The following ARL15 variants were observed in gnomAD, a reference collection of about 807,000 sequenced individuals.
The protein encoded by ARL15 is ARF like GTPase 15.
Under a neutral mutation model 25.2 loss-of-function variants are expected in ARL15, and 19 were observed. That is an observed-to-expected ratio of 0.75 (90% CI 0.53 to 1.10). The LOEUF (loss-of-function observed/expected upper bound fraction) is 1.10, where lower values mean the gene tolerates loss of function less well. ARL15 is among the 50% of genes least tolerant of loss of function. The probability of loss-of-function intolerance (pLI) is 0.00; values close to 1 mark genes in which losing one functional copy is unlikely to be tolerated. For synonymous variants in ARL15, 94 were observed against 86.8 expected, an observed-to-expected ratio of 1.08 and a Z score of -0.46; for missense variants, 220 against 246.0, an observed-to-expected ratio of 0.89 and a Z score of 0.71.
At chr5:54,162,888 T>G (rs1190751214) in intron 2 of ARL15, among the ~76,000 whole-genome samples, 1 of 152,184 alleles carries the variant, frequency 6.6e-6, no homozygotes. Context: ...TGAAAGCATT[T>G]TATTTATTTT....
chr5:54,236,407 G>GACACACACAC (rs72439978), intron 1 of ARL15, among the ~76,000 whole-genome samples: 14 of 140,742 alleles, frequency 9.9e-5, no homozygotes, highest in African/African-American at 3.6e-4. Context: ...ACTAAACACA[G>GACACACACAC]ACACACACAC....
At chr5:54,082,965 T>C (rs1181651836) in intron 4 of ARL15, among the ~76,000 whole-genome samples, 1 of 152,148 alleles carries the variant, frequency 6.6e-6, no homozygotes, top group Non-Finnish European at 1.5e-5. Context: ...GTTGAAAATA[T>C]GGGAAAAATG....
At chr5:54,215,550 C>G (rs1029467622) in intron 1 of ARL15, among the ~76,000 whole-genome samples, 6 of 146,118 alleles carry the variant, frequency 4.1e-5, no homozygotes, top group African/African-American at 1.5e-4. Flanking sequence ...TCTGAGAACT[C>G]GAAGCAATTT....
chr5:54,101,851 A>C (rs1481046128), intron 4 of ARL15, among the ~76,000 whole-genome samples: 1 of 152,160 alleles, frequency 6.6e-6, no homozygotes, highest in East Asian at 1.9e-4. Context: ...CTTAAAGAAA[A>C]ACATCAAAGT....
intron 4 of ARL15, among the ~76,000 whole-genome samples, chr5:54,108,604 G>A (rs1321059165): frequency 6.6e-6 from 1 of 152,034 alleles, no homozygotes; most frequent in Non-Finnish European, 1.5e-5. Context: ...GTCACATGAA[G>A]TCAGAGAAGA....
At chr5:54,224,019 C>T (rs1050925576) in intron 1 of ARL15, among the ~76,000 whole-genome samples, 1 of 152,136 alleles carries the variant, frequency 6.6e-6, no homozygotes, top group Non-Finnish European at 1.5e-5. Context: ...CATCCACAAA[C>T]AGACATGCCA....
At chr5:54,306,422 G>C (rs571724315) in intron 1 of ARL15, among the ~76,000 whole-genome samples, 162 of 129,842 alleles carry the variant, frequency 1.2e-3, no homozygotes, top group African/African-American at 4.2e-3. Flanking sequence ...TTGAGACGGA[G>C]TCTCACTCTG....
intron 4 of ARL15, among the ~76,000 whole-genome samples, chr5:53,907,489 T>TATATATATATATATA (rs1554025337): frequency 2.4e-4 from 4 of 16,972 alleles, no homozygotes; most frequent in South Asian, 2.9e-3. Context: ...TATATATATA[T>TATATATATATATATA]TTTTTTTTTT....
chr5:53,985,740 G>A (rs1028772366), intron 4 of ARL15, among the ~76,000 whole-genome samples: 39 of 152,124 alleles, frequency 2.6e-4, no homozygotes, highest in African/African-American at 3.6e-4. Flanking sequence ...TTGCCTCTAC[G>A]TTTTAGCTAC....
At chr5:54,050,862 A>T (rs1184787692) in intron 4 of ARL15, among the ~76,000 whole-genome samples, 3 of 152,106 alleles carry the variant, frequency 2.0e-5, no homozygotes, top group Non-Finnish European at 4.4e-5. Flanking sequence ...TACTAATTTA[A>T]TCTTCTGCTT....
intron 4 of ARL15, among the ~76,000 whole-genome samples, chr5:54,015,007 C>A (rs922653111): frequency 3.9e-5 from 6 of 151,920 alleles, no homozygotes; most frequent in African/African-American, 1.2e-4. Flanking sequence ...TATTCCTAAA[C>A]CCAGGCCAGG....
At chr5:54,154,322 A>G (rs1049799212) in intron 3 of ARL15, 2 of 319,102 alleles carry the variant, frequency 6.3e-6, no homozygotes. Context: ...AGTAAAACCA[A>G]TGAGCTGTAT....
At chr5:54,007,910 A>C (rs1749098653) in intron 4 of ARL15, among the ~76,000 whole-genome samples, 1 of 152,020 alleles carries the variant, frequency 6.6e-6, no homozygotes, top group Admixed American at 6.5e-5. Flanking sequence ...TTATATGAAA[A>C]CATCATCAGT....
intron 4 of ARL15, among the ~76,000 whole-genome samples, chr5:53,950,890 T>C (rs941850706): frequency 5.3e-5 from 8 of 152,336 alleles, no homozygotes; most frequent in African/African-American, 1.9e-4. Flanking sequence ...ACGGGAACAC[T>C]GAGACTAAGA....
intron 1 of ARL15, among the ~76,000 whole-genome samples, chr5:54,221,039 T>C (rs887256157): frequency 6.6e-6 from 1 of 152,160 alleles, no homozygotes; most frequent in Admixed American, 6.5e-5. Flanking sequence ...GTCTAATTTC[T>C]CTTTCCCCAA....
chr5:54,292,378 A>AT (rs1371941124), intron 1 of ARL15, among the ~76,000 whole-genome samples: 1 of 152,306 alleles, frequency 6.6e-6, no homozygotes, highest in African/African-American at 2.4e-5. Context: ...GTCATTGCCT[A>AT]TGTTTCTGAC....
chr5:54,240,796 C>A (rs187275130), intron 1 of ARL15, among the ~76,000 whole-genome samples: 34 of 152,246 alleles, frequency 2.2e-4, no homozygotes, highest in African/African-American at 8.2e-4. Flanking sequence ...CTGAAATGCT[C>A]CAAAATCCAA....
At chr5:54,151,604 AC>A (rs1455689722) in intron 3 of ARL15, among the ~76,000 whole-genome samples, 2 of 152,172 alleles carry the variant, frequency 1.3e-5, no homozygotes. Context: ...AGATATAAAA[AC>A]ACTTTCACAA....
intron 2 of ARL15, among the ~76,000 whole-genome samples, chr5:54,160,424 C>T (rs1232059838): frequency 6.6e-6 from 1 of 151,956 alleles, no homozygotes; most frequent in East Asian, 1.9e-4. Context: ...GTTCAGTTTT[C>T]TCTAGGTTAT....
Sources: gnomAD v4.1 joint callset for allele counts (sites outside exome capture counted in the v4.1 genomes callset) on GRCh38, gnomAD v4.1.1 for gene constraint, MANE v1.5 for transcripts, NCBI Gene and HGNC (gene_info 2026-07-23, HGNC 2026-07-21) for gene names.